Variants in COPB2 observed in about 807,000 individuals in gnomAD.
COPB2 encodes coat protein complex I subunit beta 2, also known as coatomer subunit beta'.
In COPB2, 16 loss-of-function variants were observed where a neutral mutation model predicts 120.8. That is an observed-to-expected ratio of 0.13 (90% confidence interval 0.09 to 0.20). The LOEUF (loss-of-function observed/expected upper bound fraction) is 0.20. Ranked by LOEUF, COPB2 falls within the 10% of genes least tolerant of loss-of-function variation. The probability of loss-of-function intolerance (pLI) is 1.00; values close to 1 mark genes in which losing one functional copy is unlikely to be tolerated. For missense variants in COPB2, 794 were observed against 1,076.5 expected (o/e 0.74, Z 3.67); for synonymous variants, 332 against 366.3 (o/e 0.91, Z 1.07).
intron 8 of COPB2, 57 bp downstream of exon 8, chr3:139,373,609 A>C (rs896212666): frequency 1.2e-6 from 2 of 1,609,066 alleles, no homozygotes; most frequent in Admixed American, 3.4e-5. Flanking sequence ...ACAGTACTAA[A>C]ATACAAAGAA....
At chr3:139,368,461 C>T (rs1330779256) in intron 12 of COPB2, among the ~76,000 whole-genome samples, 173 bp from the exon 13 acceptor site, 1 of 152,142 alleles carries the variant, frequency 6.6e-6, no homozygotes, top group Non-Finnish European at 1.5e-5. Context: ...TGTGGCTATG[C>T]TATTTAGCCT....
chr3:139,358,035 A>C, intron 21 of COPB2, 77 bp from the exon 22 acceptor site: 1 of 1,043,306 alleles, frequency 9.6e-7, no homozygotes, highest in Non-Finnish European at 1.4e-6. Context: ...CATGATTCAA[A>C]GTGAGAACTA....
intron 16 of COPB2, among the ~76,000 whole-genome samples, chr3:139,361,662 G>A (rs948068907): frequency 1.3e-5 from 2 of 152,238 alleles, no homozygotes; most frequent in East Asian, 1.9e-4. Context: ...ACAAAACTAC[G>A]TCTTTAAATA....
At chr3:139,374,612 T>A in intron 6 of COPB2, 24 bp from the exon 7 acceptor site, 1 of 1,594,678 alleles carries the variant, frequency 6.3e-7, no homozygotes, top group Non-Finnish European at 8.6e-7. Context: ...ATAGAAAACA[T>A]GTTTTATTAA....
At chr3:139,360,768 C>T (rs1305400460) in intron 17 of COPB2, among the ~76,000 whole-genome samples, 1 of 152,122 alleles carries the variant, frequency 6.6e-6, no homozygotes, top group Non-Finnish European at 1.5e-5. Context: ...TAGAGCAGCT[C>T]AATAGCCTCC....
intron 1 of COPB2, 168 bp downstream of exon 1, chr3:139,389,380 C>T (rs1247408210): frequency 4.5e-6 from 5 of 1,119,964 alleles, no homozygotes; most frequent in Admixed American, 4.4e-5. Context: ...CCCTAGGCCC[C>T]ACCGCCTTCT....
At chr3:139,380,304 C>T (rs1941788445) in intron 2 of COPB2, 1 of 152,168 alleles carries the variant, frequency 6.6e-6, no homozygotes, top group South Asian at 2.1e-4. Flanking sequence ...AGCCACTGCA[C>T]CTAGTCAGTC....
Position 139,373,263 on chromosome 3 carries a change from C to T in COPB2, c.1044G>A (p.Met348Ile). The T allele has an allele frequency of 1.9e-6, 3 of 1,614,104 alleles. No homozygotes were observed. The highest frequency in any genetic ancestry group is 2.5e-6 in the Non-Finnish European group (3 of 1,179,980). Residue 348 changes from methionine (M) to isoleucine (I), a missense_variant, in exon 9 of 22, where the codon ATG becomes ATA. By Grantham distance (10) the Met-to-Ile change is conservative. Coordinates refer to ENST00000333188, the MANE Select transcript of COPB2 (RefSeq NM_004766.3). Reference sequence around the variant, plus strand: ...TCTGAGGGTATATTTCACAACTGCCCATATCCTTTACTGCCAGTGGCAATC... The same window carrying T: ...TCTGAGGGTATATTTCACAACTGCCTATATCCTTTACTGCCAGTGGCAATC... ...GERLPLAVKD[M>I]GSCEIYPQTI... is the part of the protein sequence containing the mutation.
In COPB2 at chr3:139,369,514, T is replaced by C. The variant is rs1941584359; in HGVS notation, c.1236A>G (p.Val412=). 6.2e-7 allele frequency: 1 copy of C among 1,611,894 alleles called. No individual in the cohort carries two copies. Among genetic ancestry groups the C allele is most frequent in the African/African-American group, 1.3e-5 (1 of 74,840 alleles). Residue 412 remains valine (V), a synonymous_variant, in exon 11 of 22, where the codon GTA becomes GTG. Coordinates refer to ENST00000333188, the MANE Select transcript of COPB2 (RefSeq NM_004766.3). The part of the protein sequence containing the change: ...EYAIRESNSI[V]KIFKNFKEKK... ...TTTCCTTAAAGTTCTTAAATATCTTTACAATGCTGTTGCTCTCTCTTATTG... is the reference window on the plus strand; with the variant it reads ...TTTCCTTAAAGTTCTTAAATATCTTCACAATGCTGTTGCTCTCTCTTATTG...
chr3:139,383,787 TATTA>T (rs1560022137), intron 1 of COPB2, among the ~76,000 whole-genome samples: 1 of 141,980 alleles, frequency 7.0e-6, no homozygotes, highest in African/African-American at 2.4e-5. Flanking sequence ...AATATTTATA[TATTA>T]ATTCATTTTC....
rs1332282036 is a variant in COPB2, at chr3:139,373,410, A to G, written c.897T>C (p.Leu299=). 2.5e-6 allele frequency: 4 copies of G among 1,613,968 alleles called. No homozygotes were observed. Among genetic ancestry groups the G allele is most frequent in the Non-Finnish European group, 3.4e-6 (4 of 1,179,976 alleles). ...TGGACATGGCAGGTTCCTCCCGACC[A>G]AGCTGAAAGAAAGAAAAATAGCTCT... ...GYDEGSIIVK[L]GREEPAMSMD... The change falls in exon 9 of 22, where the codon CTT becomes CTC. Residue 299 remains leucine (L), a splice_region_variant and synonymous_variant. Transcript: ENST00000333188.
In COPB2 at chr3:139,375,919, T is replaced by C. The variant is rs528942565; in HGVS notation, c.505-305A>G. Among the ~76,000 whole-genome samples the C allele has an allele frequency of 7.2e-5, 11 of 152,276 alleles. No individual in the cohort carries two copies. The South Asian group carries it at 2.3e-3, about 32-fold the overall frequency. ...TGTTATGAAATTATTTTATTATAGA[T>C]TTAATATACAGCTCATGAAAGTAGA... is the stretch of plus-strand genomic sequence containing the variant. On this transcript the variant is annotated intron_variant, in intron 5 of 21. Coordinates refer to ENST00000333188, the MANE Select transcript of COPB2 (RefSeq NM_004766.3).
chr3:139,388,297 T>C (rs13327467), intron 1 of COPB2: 57,450 of 150,526 alleles, frequency 0.38, 13,598 homozygotes, highest in Non-Finnish European at 0.53. Context: ...CGGCAGCACA[T>C]AGAGAGGAGA....
At chr3:139,388,224 T>G (rs1178591470) in intron 1 of COPB2, 1 of 152,136 alleles carries the variant, frequency 6.6e-6, no homozygotes. Flanking sequence ...ATTAAGAGGC[T>G]TGAGGTCTTG....
chr3:139,373,064 C>T, intron 9 of COPB2, 149 bp downstream of exon 9: 2 of 720,886 alleles, frequency 2.8e-6, no homozygotes. Context: ...GCATGGCTGA[C>T]TGCAGCTGTG....
At chr3:139,369,579 T>C (rs1038006756) in intron 10 of COPB2, 35 bp from the exon 11 acceptor site, 23 of 1,276,468 alleles carry the variant, frequency 1.8e-5, no homozygotes, top group Non-Finnish European at 2.6e-5. Context: ...CATAACATGT[T>C]ATATACTAAA....
At chr3:139,371,899 A>G in intron 9 of COPB2, 66 bp from the exon 10 acceptor site, 1 of 1,102,510 alleles carries the variant, frequency 9.1e-7, no homozygotes, top group Non-Finnish European at 1.4e-6. Context: ...TTAAGGAACA[A>G]TAATTCATGT....
intron 1 of COPB2, among the ~76,000 whole-genome samples, chr3:139,385,587 T>C (rs1171699279): frequency 2.0e-5 from 3 of 152,340 alleles, no homozygotes; most frequent in East Asian, 3.9e-4. Context: ...ATGTCTGAAA[T>C]ATTTTAATGG....
chr3:139,368,905 G>T (rs1164233718), intron 12 of COPB2, among the ~76,000 whole-genome samples: 1 of 152,126 alleles, frequency 6.6e-6, no homozygotes, highest in African/African-American at 2.4e-5. Flanking sequence ...AGTTCAAGCA[G>T]CTATCATCAA....
Sources: allele counts gnomAD v4.1 joint callset (sites outside exome capture counted in the v4.1 genomes callset), GRCh38; gene constraint gnomAD v4.1.1; transcripts MANE v1.5; gene names NCBI Gene and HGNC (gene_info 2026-07-23, HGNC 2026-07-21).